Variants in PCDH15 observed in about 807,000 individuals in gnomAD.
PCDH15 encodes protocadherin related 15.
In PCDH15, 129 loss-of-function variants were observed where a neutral mutation model predicts 178.5. That is an observed-to-expected ratio of 0.72 (90% CI 0.63 to 0.84). The LOEUF (loss-of-function observed/expected upper bound fraction) is 0.84, where lower values mean the gene tolerates loss of function less well. Ranked by LOEUF, PCDH15 falls within the 40% of genes least tolerant of loss-of-function variation. The probability of loss-of-function intolerance (pLI) is 0.00; values close to 1 mark genes in which losing one functional copy is unlikely to be tolerated. For synonymous variants in PCDH15, 800 were observed against 732.0 expected, an observed-to-expected ratio of 1.09 and a Z score of -1.50; for missense variants, 2,230 against 2,099.9, an observed-to-expected ratio of 1.06 and a Z score of -1.21.
In PCDH15 at chr10:53,806,564, C is replaced by A. The variant is rs1314667556; in HGVS notation, c.*15G>T. 10 of 1,548,650 alleles carry A rather than the reference C, an allele frequency of 6.5e-6. No homozygotes were observed. The highest frequency in any genetic ancestry group is 3.6e-5 in the South Asian group (3 of 82,382). ...TGTAAGTAAAAATTAATTAAAATAT[C>A]TTTTAAAAAATTGGTCACAGTTTTG... On this transcript the variant is annotated 3_prime_UTR_variant, in exon 38 of 38. Transcript: ENST00000644397.
At chr10:54,985,663 G>A (rs1220914562) in intron 2 of PCDH15, among the ~76,000 whole-genome samples, 2 of 152,130 alleles carry the variant, frequency 1.3e-5, no homozygotes, top group African/African-American at 4.8e-5. Context: ...AGCATCAAAA[G>A]TGACTATTGC....
chr10:54,893,012 A>G (rs1353498113), intron 3 of PCDH15, among the ~76,000 whole-genome samples: 1 of 152,120 alleles, frequency 6.6e-6, no homozygotes, highest in East Asian at 1.9e-4. Context: ...CATTCATGAC[A>G]AGGAAATATA....
chr10:55,065,010 A>C (rs1841527785), intron 2 of PCDH15, among the ~76,000 whole-genome samples: 1 of 152,140 alleles, frequency 6.6e-6, no homozygotes, highest in Admixed American at 6.6e-5. Flanking sequence ...TAATAGCAAA[A>C]TATCTGGATG....
intron 1 of PCDH15, among the ~76,000 whole-genome samples, chr10:55,170,291 AGATGTAT>A (rs1839298707): frequency 6.6e-6 from 1 of 151,864 alleles, no homozygotes; most frequent in South Asian, 2.1e-4. Context: ...CTGAGAATAC[AGATGTAT>A]GCCACCATAT....
intron 3 of PCDH15, among the ~76,000 whole-genome samples, chr10:54,428,687 G>A (rs1351713449): frequency 6.6e-6 from 1 of 152,110 alleles, no homozygotes; most frequent in Non-Finnish European, 1.5e-5. Flanking sequence ...CCCAAAAGCA[G>A]CAAGAGAACA....
chr10:54,665,195 T>C (rs570393080), intron 1 of PCDH15, among the ~76,000 whole-genome samples: 1 of 151,916 alleles, frequency 6.6e-6, no homozygotes, highest in South Asian at 2.1e-4. Context: ...GTAGAGGCTG[T>C]GATAAACTGT....
intron 3 of PCDH15, among the ~76,000 whole-genome samples, chr10:54,480,317 A>T (rs545274186): frequency 1.3e-5 from 2 of 152,188 alleles, no homozygotes; most frequent in South Asian, 2.1e-4. Flanking sequence ...TAGTTAAGAG[A>T]CTTGCTTGTG....
At chr10:54,442,800 A>T (rs2075911147) in intron 3 of PCDH15, among the ~76,000 whole-genome samples, 1 of 151,550 alleles carries the variant, frequency 6.6e-6, no homozygotes, top group East Asian at 2.0e-4. Context: ...GTAAAAGAGA[A>T]AGCCCAGTGT....
chr10:54,912,701 G>A (rs771201603), intron 2 of PCDH15, among the ~76,000 whole-genome samples: 2 of 152,174 alleles, frequency 1.3e-5, no homozygotes, highest in Non-Finnish European at 2.9e-5. Context: ...ATATGAAAGT[G>A]ACTTTGGAAT....
At chr10:55,026,767 A>T (rs1342673500) in intron 2 of PCDH15, among the ~76,000 whole-genome samples, 1 of 151,996 alleles carries the variant, frequency 6.6e-6, no homozygotes, top group Non-Finnish European at 1.5e-5. Flanking sequence ...GTGGGAAGAC[A>T]GATGGCATAG....
intron 6 of PCDH15, 127 bp downstream of exon 6, chr10:54,346,238 T>G: frequency 1.1e-6 from 1 of 898,906 alleles, no homozygotes; most frequent in Non-Finnish European, 1.7e-6. Flanking sequence ...TTGAGACATT[T>G]TTAAATAATA....
intron 2 of PCDH15, among the ~76,000 whole-genome samples, chr10:55,493,869 A>C (rs905726123): frequency 6.6e-6 from 1 of 151,882 alleles, no homozygotes; most frequent in Non-Finnish European, 1.5e-5. Context: ...GAATTACAAA[A>C]TAGAGTGTAG....
chr10:55,314,926 CATT>C (rs1843685602), intron 1 of PCDH15, among the ~76,000 whole-genome samples: 1 of 151,988 alleles, frequency 6.6e-6, no homozygotes, highest in Non-Finnish European at 1.5e-5. Context: ...TAATTGAATA[CATT>C]ATTATTAAGA....
At position 54,504,170 on chromosome 10, in the gene PCDH15, C is replaced by G. The variant is rs900255265; in HGVS notation, c.157+23642G>C. On this transcript the variant is annotated intron_variant, in intron 3 of 37. Coordinates refer to ENST00000644397, the MANE Select transcript of PCDH15 (RefSeq NM_001384140.1). ...ATTCAAAGATTCTAATTCCATATTT[C>G]TTGGATGTGACTTGGCAATTTACTT... 3.3e-5 allele frequency among the ~76,000 whole-genome samples: 5 copies of G among 152,092 alleles called. No homozygotes were observed. The South Asian group carries it at 1.0e-3, about 31-fold the overall frequency.
chr10:54,196,239 T>C (rs2133929818), intron 10 of PCDH15, among the ~76,000 whole-genome samples: 1 of 152,218 alleles, frequency 6.6e-6, no homozygotes, highest in African/African-American at 2.4e-5. Flanking sequence ...TCCTCCTGAG[T>C]TCACGCCATT....
intron 1 of PCDH15, among the ~76,000 whole-genome samples, chr10:54,714,697 A>G (rs1277540382): frequency 6.6e-6 from 1 of 152,150 alleles, no homozygotes; most frequent in Admixed American, 6.6e-5. Context: ...TAAGTTCTTC[A>G]AGCCCATGGC....
At chr10:55,157,405 C>T (rs1268726346) in intron 2 of PCDH15, among the ~76,000 whole-genome samples, 1 of 148,066 alleles carries the variant, frequency 6.8e-6, no homozygotes, top group Non-Finnish European at 1.5e-5. Context: ...GGCGATTCCT[C>T]AGGGATCTAG....
chr10:54,048,217 G>A (rs1436667219), intron 18 of PCDH15, among the ~76,000 whole-genome samples: 3 of 151,958 alleles, frequency 2.0e-5, no homozygotes, highest in East Asian at 3.9e-4. Context: ...AGAAGTGTCT[G>A]CTCATATCTT....
intron 2 of PCDH15, among the ~76,000 whole-genome samples, chr10:55,015,357 A>C (rs1158187797): frequency 6.6e-6 from 1 of 151,962 alleles, no homozygotes; most frequent in Non-Finnish European, 1.5e-5. Context: ...TGCCTCACTA[A>C]ACTCATTTAC....
Sources: allele counts gnomAD v4.1 joint callset (sites outside exome capture counted in the v4.1 genomes callset), GRCh38; gene constraint gnomAD v4.1.1; transcripts MANE v1.5; gene names NCBI Gene and HGNC (gene_info 2026-07-23, HGNC 2026-07-21).